TRPC7: variants seen among roughly 807,000 people sequenced by gnomAD.
TRPC7 encodes short transient receptor potential channel 7.
A neutral mutation model predicts 90.1 loss-of-function variants in TRPC7; 42 were observed. The ratio of observed to expected loss-of-function variants is 0.47; its 90% CI spans 0.36 to 0.60. The LOEUF (loss-of-function observed/expected upper bound fraction) is 0.60. Ranked by LOEUF, TRPC7 falls within the 20% of genes least tolerant of loss-of-function variation. The probability of loss-of-function intolerance (pLI) is 0.00; values close to 1 mark genes in which losing one functional copy is unlikely to be tolerated. For missense variants in TRPC7, 955 were observed against 1,112.3 expected (o/e 0.86, Z 2.01); for synonymous variants, 451 against 436.3 (o/e 1.03, Z -0.42).
intron 3 of TRPC7, among the ~76,000 whole-genome samples, chr5:136,275,492 T>C (rs1757337053): frequency 1.3e-5 from 2 of 152,164 alleles, no homozygotes; most frequent in Admixed American, 1.3e-4. Flanking sequence ...TGGATCCCAG[T>C]GGTGTTGGGC....
intron 5 of TRPC7, among the ~76,000 whole-genome samples, chr5:136,262,976 A>G (rs1367864431): frequency 6.6e-6 from 1 of 152,228 alleles, no homozygotes; most frequent in Non-Finnish European, 1.5e-5. Context: ...ATGCAAAAAC[A>G]AGCAAGCAAA....
intron 5 of TRPC7, among the ~76,000 whole-genome samples, chr5:136,261,868 G>A (rs1756867603): frequency 1.3e-5 from 2 of 152,202 alleles, no homozygotes; most frequent in East Asian, 1.9e-4. Flanking sequence ...CCACATGAAT[G>A]TCTAAATATG....
intron 10 of TRPC7, among the ~76,000 whole-genome samples, chr5:136,224,115 T>A (rs985745988): frequency 1.3e-5 from 2 of 152,186 alleles, no homozygotes; most frequent in African/African-American, 4.8e-5. Flanking sequence ...ATTCTCCCTG[T>A]GGGAAGGTGG....
chr5:136,247,906 A>G lies in TRPC7; in HGVS notation c.1580-171T>C, dbSNP rs1439826254. Among the ~76,000 whole-genome samples, 4 of 152,166 alleles carry G rather than the reference A, an allele frequency of 2.6e-5. No individual in the cohort carries two copies. Among genetic ancestry groups the G allele is most frequent in the African/African-American group, 9.7e-5 (4 of 41,432 alleles). On this transcript the variant is annotated intron_variant, in intron 6 of 11. Transcript: ENST00000513104. The surrounding 1 kb of genome is among the most constrained non-coding windows in gnomAD (Gnocchi z 4.2). ...CACCCTCCCTCTTGGAATGTGCTGGACCATCTGCCTGGAACACTCTTCTCT... is the reference window on the plus strand; with the variant it reads ...CACCCTCCCTCTTGGAATGTGCTGGGCCATCTGCCTGGAACACTCTTCTCT...
chr5:136,333,088 A>G (rs373414873), intron 2 of TRPC7, among the ~76,000 whole-genome samples: 17 of 152,328 alleles, frequency 1.1e-4, no homozygotes, highest in African/African-American at 4.1e-4. Context: ...ATAAATGTTA[A>G]TTGCATAGAC....
chr5:136,283,766 C>G (rs1421723078), intron 3 of TRPC7, among the ~76,000 whole-genome samples: 1 of 152,192 alleles, frequency 6.6e-6, no homozygotes, highest in African/African-American at 2.4e-5. Context: ...AACCTTATTT[C>G]CTGCCCTTTC....
At chr5:136,300,036 C>T (rs1250310932) in intron 3 of TRPC7, among the ~76,000 whole-genome samples, 1 of 152,014 alleles carries the variant, frequency 6.6e-6, no homozygotes, top group Non-Finnish European at 1.5e-5. Context: ...GACATGATAA[C>T]CAAGAAGAAG....
At chr5:136,279,462 C>T (rs931575202) in intron 3 of TRPC7, among the ~76,000 whole-genome samples, 9 of 152,100 alleles carry the variant, frequency 5.9e-5, no homozygotes, top group South Asian at 2.1e-4. Flanking sequence ...TTTCTGGAGG[C>T]GGAAGCATTT....
chr5:136,335,776 C>T (rs1321141807), intron 2 of TRPC7, among the ~76,000 whole-genome samples: 9 of 151,134 alleles, frequency 6.0e-5, no homozygotes, highest in Non-Finnish European at 1.0e-4. Flanking sequence ...TGGTGGCGGG[C>T]GCCTGTAGTC....
At position 136,364,466 on chromosome 5, in the gene TRPC7, C is replaced by T. The variant is rs571281816; in HGVS notation, c.2+787G>A. ...TTCATTCATAAATTTGATGTGTACT[C>T]GGTGCTTCAGAAATAAGACCCACCA... On this transcript the variant is annotated intron_variant, in intron 1 of 11. Transcript: ENST00000513104. 3.9e-5 allele frequency among the ~76,000 whole-genome samples: 6 copies of T among 152,204 alleles called. No homozygotes were observed. The East Asian group carries it at 5.8e-4, about 15-fold the overall frequency.
chr5:136,252,960 C>T (rs1756570856), intron 5 of TRPC7, among the ~76,000 whole-genome samples: 1 of 152,182 alleles, frequency 6.6e-6, no homozygotes, highest in African/African-American at 2.4e-5. Context: ...TCCTTCTAGA[C>T]CTGTACTGTC....
At chr5:136,256,287 C>T (rs1756681831) in intron 5 of TRPC7, among the ~76,000 whole-genome samples, 1 of 152,202 alleles carries the variant, frequency 6.6e-6, no homozygotes, top group African/African-American at 2.4e-5. Flanking sequence ...TGCAGCTTTC[C>T]AGGTTTTTGG....
chr5:136,311,173 T>G (rs1333326754), intron 3 of TRPC7, among the ~76,000 whole-genome samples: 1 of 152,100 alleles, frequency 6.6e-6, no homozygotes, highest in East Asian at 1.9e-4. Context: ...CACAAAGTTT[T>G]CTTGCAGTGA....
chr5:136,301,292 G>T (rs544976544), intron 3 of TRPC7, among the ~76,000 whole-genome samples: 1 of 147,740 alleles, frequency 6.8e-6, no homozygotes, highest in Admixed American at 6.7e-5. Flanking sequence ...CTCCCAAAGT[G>T]CTGGGATTAT....
intron 2 of TRPC7, among the ~76,000 whole-genome samples, chr5:136,355,521 A>G (rs1760337381): frequency 6.6e-6 from 1 of 152,196 alleles, no homozygotes; most frequent in East Asian, 1.9e-4. Context: ...GCTCTTGGCC[A>G]GGTGTGGTGG....
rs547030690 is a variant in TRPC7, at chr5:136,297,776, C to T, written c.963+17821G>A. Among the ~76,000 whole-genome samples, 99 of 152,186 alleles carry T rather than the reference C, an allele frequency of 6.5e-4. 1 individual carries two copies. The highest frequency in any genetic ancestry group is 2.2e-3 in the African/African-American group (92 of 41,506). On this transcript the variant is annotated intron_variant, in intron 3 of 11. Transcript: ENST00000513104. ...GACTCAGTGACAATAGTCATAGGAC[C>T]TCAAGCATGAGACAAATGACATCTA...
chr5:136,214,652 G>C (rs1755202723), intron 11 of TRPC7, among the ~76,000 whole-genome samples: 1 of 152,168 alleles, frequency 6.6e-6, no homozygotes, highest in Non-Finnish European at 1.5e-5. Context: ...GCCATTGTTT[G>C]AGACCTACAA....
At chr5:136,297,136 C>T (rs1758206628) in intron 3 of TRPC7, among the ~76,000 whole-genome samples, 1 of 152,198 alleles carries the variant, frequency 6.6e-6, no homozygotes, top group African/African-American at 2.4e-5. Flanking sequence ...GCTCAGAAGC[C>T]ATGAACCTCC....
chr5:136,300,296 T>C (rs2149830578), intron 3 of TRPC7, among the ~76,000 whole-genome samples: 1 of 152,314 alleles, frequency 6.6e-6, no homozygotes, highest in Middle Eastern at 3.4e-3. Flanking sequence ...TTTTCCACCC[T>C]CTAAAGTTGA....
Sources: allele counts gnomAD v4.1 joint callset (sites outside exome capture counted in the v4.1 genomes callset), GRCh38; gene constraint gnomAD v4.1.1; non-coding constraint Gnocchi (gnomAD v3.1); transcripts MANE v1.5; gene names NCBI Gene and HGNC (gene_info 2026-07-23, HGNC 2026-07-21).